The following TMEM44 variants were observed in gnomAD, a reference collection of about 807,000 sequenced individuals.
TMEM44 encodes the protein transmembrane protein 44.
In TMEM44, 43 loss-of-function variants were observed where a neutral mutation model predicts 47.8. The ratio of observed to expected loss-of-function variants is 0.90; its 90% CI spans 0.70 to 1.16. The LOEUF (loss-of-function observed/expected upper bound fraction) is 1.16. Among genes scored for constraint, TMEM44 ranks in the 50% most tolerant of loss-of-function variants. The pLI is 0.00. For synonymous variants in TMEM44, 277 were observed against 238.8 expected (o/e 1.16, Z -1.48); for missense variants, 568 against 555.2 (o/e 1.02, Z -0.23).
rs541622059 is a variant in TMEM44 at position 194,604,532 on chromosome 3, T to C, written c.1018-87A>G. 5.1e-5 allele frequency: 73 copies of C among 1,432,342 alleles called. No individual in the cohort carries two copies. In the African/African-American group the frequency reaches 9.8e-4, roughly 19 times the overall value. 88.7% of individuals were successfully genotyped at this position (1,432,342 alleles called of 1,614,324 possible). A position where few individuals can be genotyped will look rare whatever the true frequency, so the allele number is the denominator to read the frequency against. On this transcript the variant is annotated intron_variant, in intron 8 of 9. Coordinates refer to ENST00000347147, the MANE Select transcript of TMEM44 (RefSeq NM_001011655.3). ...TCAAAGCATTCACATACTTCAGTGTTCAAAATGTACAAAAGGGTGTGCAGG... is the reference window on the plus strand; with the variant it reads ...TCAAAGCATTCACATACTTCAGTGTCCAAAATGTACAAAAGGGTGTGCAGG...
chr3:194,605,112 GTATCTATGTATC>G (rs1382863629), intron 8 of TMEM44, among the ~76,000 whole-genome samples: 45 of 151,854 alleles, frequency 3.0e-4, no homozygotes, highest in Admixed American at 6.6e-4. Context: ...GATTTTCTAT[GTATCTATGTATC>G]TATCTATGTA....
chr3:194,614,097 C>G (rs571140065), intron 7 of TMEM44, among the ~76,000 whole-genome samples: 2 of 151,832 alleles, frequency 1.3e-5, no homozygotes, highest in Admixed American at 6.6e-5. Flanking sequence ...ACTCCAGCCT[C>G]GGCAACAAGA....
At chr3:194,594,764 C>G (rs532060330) in intron 9 of TMEM44, among the ~76,000 whole-genome samples, 2 of 152,170 alleles carry the variant, frequency 1.3e-5, no homozygotes, top group Non-Finnish European at 2.9e-5. Context: ...TAAAGCCAAG[C>G]AAACAAACAA....
intron 9 of TMEM44, chr3:194,589,793 A>G (rs1356802222): frequency 6.6e-6 from 1 of 152,050 alleles, no homozygotes; most frequent in Non-Finnish European, 1.5e-5. Context: ...CATGGAGGCA[A>G]GTAGGGATTG....
At chr3:194,623,454 C>A in intron 4 of TMEM44, 75 bp downstream of exon 4, 1 of 1,517,938 alleles carries the variant, frequency 6.6e-7, no homozygotes, top group Non-Finnish European at 8.8e-7. Context: ...TCCCCTAGCC[C>A]CGGCCTCATC....
intron 9 of TMEM44, chr3:194,590,022 G>C (rs977417477): frequency 6.6e-6 from 1 of 152,246 alleles, no homozygotes; most frequent in Admixed American, 6.5e-5. Flanking sequence ...CTGGGCAGAC[G>C]ATCTATTTGG....
intron 9 of TMEM44, chr3:194,589,953 T>A (rs1712418976): frequency 6.6e-6 from 1 of 152,010 alleles, no homozygotes; most frequent in Non-Finnish European, 1.5e-5. Flanking sequence ...CAAGGTCACA[T>A]TTGACAGTAC....
intron 9 of TMEM44, chr3:194,592,928 A>G: frequency 7.6e-7 from 1 of 1,322,540 alleles, no homozygotes. Context: ...TTCTTTTTTT[A>G]CTGAAGGAAT....
At chr3:194,617,528 C>T (rs1401157038) in intron 5 of TMEM44, 1 of 610,176 alleles carries the variant, frequency 1.6e-6, no homozygotes, top group Non-Finnish European at 2.9e-6. Flanking sequence ...GCAAGCAACT[C>T]CCTTTTCTGG....
In TMEM44 at chr3:194,617,232, G is replaced by C. The variant is rs1238558332; in HGVS notation, c.650C>G (p.Thr217Ser). ...GKTFPSIHLW[T>S]RLLSALAGLL... The stretch of plus-strand genomic sequence containing the variant: ...GCCAGCCAGGGCCGACAGGAGCCGG[G>C]TCCACAGGTGGATGGAGGGAAATGT... Residue 217 changes from threonine (T) to serine (S), a missense_variant, in exon 6 of 10, where the codon ACC becomes AGC. Coordinates refer to ENST00000347147, the MANE Select transcript of TMEM44 (RefSeq NM_001011655.3). 1.9e-6 allele frequency: 3 copies of C among 1,550,130 alleles called. No individual in the cohort carries two copies. Among genetic ancestry groups the C allele is most frequent in the Non-Finnish European group, 8.7e-7 (1 of 1,146,508 alleles).
In TMEM44 at chr3:194,610,994, T is replaced by C; in HGVS notation, c.939A>G (p.Thr313=). 3 of 1,614,028 alleles carry C rather than the reference T, an allele frequency of 1.9e-6. No individual in the cohort carries two copies. Among genetic ancestry groups the C allele is most frequent in the Non-Finnish European group, 2.5e-6 (3 of 1,180,004 alleles). Residue 313 remains threonine, a synonymous_variant, in exon 8 of 10, where the codon ACA becomes ACG. Transcript: ENST00000347147. The part of the protein sequence containing the change: ...QENLDWVPLT[T]LSHCKSLRTM... ...TCCTCAGTGACTTGCAGTGTGACAGTGTGGTGAGAGGCACCCAATCCAAAT... is the reference window on the plus strand; with the variant it reads ...TCCTCAGTGACTTGCAGTGTGACAGCGTGGTGAGAGGCACCCAATCCAAAT...
At chr3:194,624,364 G>C (rs1213183784) in intron 3 of TMEM44, among the ~76,000 whole-genome samples, 1 of 151,922 alleles carries the variant, frequency 6.6e-6, no homozygotes, top group Non-Finnish European at 1.5e-5. Flanking sequence ...TTCTCTTCTG[G>C]GCAGCATTGA....
At chr3:194,600,250 C>T (rs1029341611) in intron 9 of TMEM44, among the ~76,000 whole-genome samples, 5 of 152,004 alleles carry the variant, frequency 3.3e-5, no homozygotes, top group African/African-American at 1.2e-4. Context: ...TACCACTACG[C>T]CAAGCTAATT....
intron 7 of TMEM44, among the ~76,000 whole-genome samples, chr3:194,613,855 G>A (rs143721226): frequency 2.2e-3 from 338 of 150,990 alleles, no homozygotes; most frequent in African/African-American, 7.6e-3. Context: ...GGGCCCGGTG[G>A]CTCACACCTG....
At chr3:194,631,271 A>G (rs998874101) in intron 1 of TMEM44, among the ~76,000 whole-genome samples, 23 of 152,190 alleles carry the variant, frequency 1.5e-4, no homozygotes, top group African/African-American at 5.3e-4. Context: ...GGCCTCTGAA[A>G]TACATTGTCG....
chr3:194,627,311 C>A (rs973830182), intron 2 of TMEM44, among the ~76,000 whole-genome samples: 1 of 152,192 alleles, frequency 6.6e-6, no homozygotes, highest in Non-Finnish European at 1.5e-5. Context: ...CTGTGCTCTG[C>A]CAACTGAGCT....
chr3:194,616,424 T>G (rs768771937), intron 6 of TMEM44: 21 of 374,100 alleles, frequency 5.6e-5, no homozygotes, highest in Admixed American at 3.4e-4. Context: ...TGGATTGGAC[T>G]GGGCCCTAAC....
chr3:194,588,771 A>T, intron 9 of TMEM44, 132 bp from the exon 10 acceptor site: 1 of 833,942 alleles, frequency 1.2e-6, no homozygotes, highest in South Asian at 1.6e-5. Flanking sequence ...CAAAAGGGTA[A>T]GGACAAGTTA....
intron 1 of TMEM44, among the ~76,000 whole-genome samples, chr3:194,628,962 G>A (rs569340450): frequency 1.3e-5 from 2 of 152,258 alleles, no homozygotes; most frequent in South Asian, 2.1e-4. Context: ...TCAGGAGTTC[G>A]AGACCATCCT....
Sources: allele counts gnomAD v4.1 joint callset (sites outside exome capture counted in the v4.1 genomes callset), GRCh38; gene constraint gnomAD v4.1.1; transcripts MANE v1.5; gene names NCBI Gene and HGNC (gene_info 2026-07-23, HGNC 2026-07-21).